TEX9: variants seen among roughly 807,000 people sequenced by gnomAD.
The protein encoded by TEX9 is testis-expressed protein 9.
A neutral mutation model predicts 59.6 loss-of-function variants in TEX9; 74 were observed. The ratio of observed to expected loss-of-function variants is 1.24; its 90% confidence interval spans 1.03 to 1.51. The LOEUF is 1.51. Ranked by LOEUF, TEX9 falls within the 40% of genes most tolerant of loss-of-function variation. The pLI is 0.00. For synonymous variants in TEX9, 186 were observed against 152.2 expected (o/e 1.22, Z -1.64); for missense variants, 522 against 447.8 (o/e 1.17, Z -1.49).
intron 3 of TEX9, among the ~76,000 whole-genome samples, chr15:56,375,592 T>C (rs1389252944): frequency 6.6e-6 from 1 of 152,210 alleles, no homozygotes; most frequent in East Asian, 1.9e-4. Flanking sequence ...TCCTTGCCCA[T>C]GCCTATGTCC....
intron 1 of TEX9, among the ~76,000 whole-genome samples, chr15:56,329,756 G>T (rs2046101819): frequency 6.6e-6 from 1 of 151,762 alleles, no homozygotes; most frequent in Admixed American, 6.6e-5. Flanking sequence ...GGAGACAAAA[G>T]AAAAAAGAAT....
At chr15:56,394,697 A>T in exon 9 of TEX9, 1 of 1,607,872 alleles carries the variant, frequency 6.2e-7, no homozygotes, top group Non-Finnish European at 8.5e-7. Flanking sequence ...TCAAGTAAAA[A>T]ATTTTGAAGA....
chr15:56,443,923 CATA>C (rs1175699185), intron 12 of TEX9: 1 of 1,188,934 alleles, frequency 8.4e-7, no homozygotes, highest in Non-Finnish European at 1.2e-6. Flanking sequence ...TCATTTTGTT[CATA>C]ATAATGTACA....
chr15:56,310,729 C>T (rs1263096879), intron 1 of TEX9, among the ~76,000 whole-genome samples: 2 of 152,098 alleles, frequency 1.3e-5, no homozygotes, highest in African/African-American at 4.8e-5. Context: ...AATAGCAAGT[C>T]TTCTGAGCAA....
intron 1 of TEX9, among the ~76,000 whole-genome samples, chr15:56,280,249 A>G (rs2044782945): frequency 6.6e-6 from 1 of 152,178 alleles, no homozygotes; most frequent in Non-Finnish European, 1.5e-5. Flanking sequence ...GAGAAGACTT[A>G]GAGACTCTCC....
chr15:56,248,630 T>A (rs2043925371), intron 1 of TEX9, among the ~76,000 whole-genome samples: 1 of 152,240 alleles, frequency 6.6e-6, no homozygotes. Context: ...TAACTTTCAA[T>A]TCTTTTACAT....
chr15:56,412,202 A>C lies in TEX9; in HGVS notation c.829-100A>C, dbSNP rs1381913644. On this transcript the variant is annotated intron_variant, in intron 9 of 12. Transcript: ENST00000352903. ...TGTGTGTGTGTGTGTGTAAAGTTTG[A>C]GAGAAAGCAAGGAATATGGATATGG... 6.1e-6 allele frequency: 7 copies of C among 1,146,864 alleles called. No homozygotes were observed. In the African/African-American group the frequency reaches 9.5e-5, roughly 16 times the overall value. 71.0% of individuals were successfully genotyped at this position (1,146,864 alleles called of 1,614,324 possible). A position where few individuals can be genotyped will look rare whatever the true frequency, so the allele number is the denominator to read the frequency against.
chr15:56,454,371 C>T, the TEX9 span, among the ~76,000 whole-genome samples: 2 of 48,234 alleles, frequency 4.1e-5, no homozygotes, highest in Non-Finnish European at 1.0e-4. Context: ...CAATTATACT[C>T]TTTATTTTTA....
chr15:56,330,039 A>C (rs947355052), intron 1 of TEX9, among the ~76,000 whole-genome samples: 6 of 138,982 alleles, frequency 4.3e-5, no homozygotes, highest in African/African-American at 1.2e-4. Context: ...AAGAAAAAAA[A>C]CAAACAAACA....
At chr15:56,444,304 A>G in intron 12 of TEX9, 2 of 660,698 alleles carry the variant, frequency 3.0e-6, no homozygotes, top group South Asian at 2.1e-5. Context: ...GTTGGTCCCA[A>G]TTTATGTTTT....
chr15:56,324,186 A>AC (rs1300360834), intron 1 of TEX9, among the ~76,000 whole-genome samples: 1 of 151,994 alleles, frequency 6.6e-6, no homozygotes, highest in African/African-American at 2.4e-5. Flanking sequence ...AATTGCAAAA[A>AC]AAAAAAGTCG....
rs375129498 is a variant in TEX9, at chr15:56,310,663, TGGAA to T, written c.-106-62776_-106-62773del. The stretch of plus-strand genomic sequence containing the variant: ...TGACATTCTTGCACAGATTCATCAG[TGGAA>T]GCCTGGACAGGTTAAAGATAGGTGG... On this transcript the variant is annotated intron_variant, in intron 1 of 5. Transcript: ENST00000560827. Among the ~76,000 whole-genome samples, 105 of 152,222 alleles carry T rather than the reference TGGAA, an allele frequency of 6.9e-4. 1 individual carries two copies. Among genetic ancestry groups the T allele is most frequent in the African/African-American group, 2.4e-3 (100 of 41,508 alleles).
At chr15:56,247,856 C>T (rs2043899301) in intron 1 of TEX9, among the ~76,000 whole-genome samples, 1 of 152,204 alleles carries the variant, frequency 6.6e-6, no homozygotes, top group Non-Finnish European at 1.5e-5. Context: ...ATACTCCTCT[C>T]ATCCTCTTTT....
At chr15:56,456,334 G>A in the TEX9 span, 12 of 1,483,834 alleles carry the variant, frequency 8.1e-6, no homozygotes, top group Non-Finnish European at 1.1e-5. Flanking sequence ...AGGTGCTAAG[G>A]ATTACATAAG....
chr15:56,428,643 C>CAATT, intron 12 of TEX9: 1 of 446,224 alleles, frequency 2.2e-6, no homozygotes, highest in Non-Finnish European at 4.0e-6. Flanking sequence ...CTTAGCGTGA[C>CAATT]AATTAAGCAC....
intron 12 of TEX9, among the ~76,000 whole-genome samples, chr15:56,440,481 A>G (rs1445609901): frequency 6.6e-6 from 1 of 152,214 alleles, no homozygotes; most frequent in Non-Finnish European, 1.5e-5. Flanking sequence ...TTGCAGAGAA[A>G]TGAAAATTGA....
chr15:56,259,472 A>G (rs2044216344), intron 1 of TEX9, among the ~76,000 whole-genome samples: 1 of 152,064 alleles, frequency 6.6e-6, no homozygotes, highest in Admixed American at 6.6e-5. Context: ...TTTCATGTGA[A>G]TTATTTAATT....
chr15:56,381,276 A>G (rs1026421116), intron 3 of TEX9, among the ~76,000 whole-genome samples: 18 of 152,084 alleles, frequency 1.2e-4, no homozygotes, highest in African/African-American at 4.1e-4. Context: ...TGTTCGTTAA[A>G]TTTATCTGAT....
chr15:56,301,167 T>C (rs1451173959), intron 1 of TEX9, among the ~76,000 whole-genome samples: 1 of 152,086 alleles, frequency 6.6e-6, no homozygotes, highest in Non-Finnish European at 1.5e-5. Context: ...AGAGATTTGA[T>C]AATTAAAAAG....
Sources: allele counts gnomAD v4.1 joint callset (sites outside exome capture counted in the v4.1 genomes callset), GRCh38; gene constraint gnomAD v4.1.1; transcripts MANE v1.5; gene names NCBI Gene and HGNC (gene_info 2026-07-23, HGNC 2026-07-21).